The following FCRL1 variants were observed in gnomAD, a reference collection of about 807,000 sequenced individuals.
FCRL1 encodes the protein Fc receptor-like protein 1.
A neutral mutation model predicts 49.2 loss-of-function variants in FCRL1; 34 were observed. The ratio of observed to expected loss-of-function variants is 0.69; its 90% CI spans 0.53 to 0.92. The LOEUF (loss-of-function observed/expected upper bound fraction) is 0.92, where lower values mean the gene tolerates loss of function less well. Ranked by LOEUF, FCRL1 falls within the 40% of genes least tolerant of loss-of-function variation. The pLI is 0.00. For missense variants in FCRL1, 524 were observed against 524.1 expected (o/e 1.00, Z 0.00); for synonymous variants, 218 against 201.6 (o/e 1.08, Z -0.69).
At position 157,809,068 on chromosome 1, in the gene FCRL1, A is replaced by T. The variant is rs537969383; in HGVS notation, c.32-1946T>A. ...ACCTGATGTTAAGTTTAAGATGTTTATTAAGATGTCTATTAGATACCCGAA... is the reference window on the plus strand; with the variant it reads ...ACCTGATGTTAAGTTTAAGATGTTTTTTAAGATGTCTATTAGATACCCGAA... On this transcript the variant is annotated intron_variant, in intron 1 of 10. Transcript: ENST00000368176. Among the ~76,000 whole-genome samples the T allele has an allele frequency of 3.5e-4, 54 of 152,336 alleles. No individual in the cohort carries two copies. In the South Asian group the frequency reaches 6.4e-3, roughly 18 times the overall value.
Position 157,796,173 on chromosome 1 carries a change from G to A in FCRL1, c.1219-3C>T, listed in dbSNP as rs140897437. 1.5e-5 allele frequency: 24 copies of A among 1,613,422 alleles called. No homozygotes were observed. The African/African-American group carries it at 1.9e-4, about 13-fold the overall frequency. Reference sequence around the variant, plus strand: ...CTGGAATAGATGTCTAAGGAAACCTGGAAGCAAAGATTAGGACTAGAGCAG... The same window carrying A: ...CTGGAATAGATGTCTAAGGAAACCTAGAAGCAAAGATTAGGACTAGAGCAG... On this transcript the variant is annotated splice_region_variant and splice_polypyrimidine_tract_variant and intron_variant, in intron 10 of 10. Transcript: ENST00000368176.
chr1:157,798,284 T>C lies in FCRL1; in HGVS notation c.1032-41A>G, dbSNP rs974752572. 9 of 1,496,358 alleles carry C rather than the reference T, an allele frequency of 6.0e-6. No individual in the cohort carries two copies. In the African/African-American group the frequency reaches 9.8e-5, roughly 16 times the overall value. The allele number at this position is 1,496,358 out of a possible 1,614,324, so 92.7% of individuals were successfully genotyped here. On this transcript the variant is annotated intron_variant, in intron 7 of 10. Coordinates refer to ENST00000368176, the MANE Select transcript of FCRL1 (RefSeq NM_052938.5). ...CACATGTTATTTATCTGAAATTGCA[T>C]CCCAGATCATGCAGATATCACACTG... is the stretch of plus-strand genomic sequence containing the variant.
intron 1 of FCRL1, among the ~76,000 whole-genome samples, chr1:157,811,702 TG>T (rs908618644): frequency 5.9e-5 from 9 of 152,288 alleles, no homozygotes; most frequent in South Asian, 2.1e-4. Context: ...GTTCTGTTCC[TG>T]GGGGCAGTAG....
intron 3 of FCRL1, 75 bp downstream of exon 3, chr1:157,803,770 C>T (rs1363132334): frequency 1.1e-5 from 17 of 1,544,204 alleles, no homozygotes; most frequent in Non-Finnish European, 1.4e-5. Context: ...AGATAGAACC[C>T]ATAACAGTGA....
Position 157,797,922 on chromosome 1 carries a change from C to T in FCRL1, c.1132G>A (p.Asp378Asn), listed in dbSNP as rs1352376288. 1 of 1,614,164 alleles carries T rather than the reference C, an allele frequency of 6.2e-7. No homozygotes were observed. The highest frequency in any genetic ancestry group is 2.2e-5 in the East Asian group (1 of 44,880). The change falls in exon 9 of 11, where the codon GAT (aspartate) becomes AAT (asparagine). Residue 378 changes from aspartate to asparagine, a missense_variant. By Grantham distance (23) the Asp-to-Asn change is conservative (BLOSUM62 1). Coordinates refer to ENST00000368176, the MANE Select transcript of FCRL1 (RefSeq NM_052938.5). ...IYENVNVVSG[D>N]EVYSLAYYNQ... ...TAGTACGCCAGTGAATAAACCTCAT[C>T]CCCACTTACAACATTCACTGCAAGA...
intron 1 of FCRL1, among the ~76,000 whole-genome samples, chr1:157,818,152 G>A (rs758276572): frequency 3.3e-5 from 5 of 152,014 alleles, no homozygotes; most frequent in African/African-American, 4.8e-5. Flanking sequence ...TCCCACTACT[G>A]GACATGTATC....
intron 1 of FCRL1, among the ~76,000 whole-genome samples, chr1:157,814,822 A>C (rs1654814902): frequency 6.6e-6 from 1 of 152,044 alleles, no homozygotes; most frequent in African/African-American, 2.4e-5. Flanking sequence ...TATCTGATAT[A>C]ATAGAATTTA....
chr1:157,811,337 G>C (rs1211882299), intron 1 of FCRL1, among the ~76,000 whole-genome samples: 1 of 152,156 alleles, frequency 6.6e-6, no homozygotes, highest in African/African-American at 2.4e-5. Flanking sequence ...AGAAACTCAG[G>C]ATGGCTACAT....
At chr1:157,806,831 A>G in intron 2 of FCRL1, 1 of 361,084 alleles carries the variant, frequency 2.8e-6, no homozygotes, top group East Asian at 4.5e-5. Flanking sequence ...CTGTGCTGGG[A>G]CTTCCCGGAA....
rs375826945 is a variant in FCRL1, at chr1:157,802,654, G to A, written c.330C>T (p.Val110=). The A allele has an allele frequency of 1.6e-5, 25 of 1,612,810 alleles. No homozygotes were observed. The highest frequency in any genetic ancestry group is 4.5e-5 in the East Asian group (2 of 44,826). ...RSQINVHRVP[V]ADVSLETQPP... The stretch of plus-strand genomic sequence containing the variant: ...GCTGAGTCTCCAAGCTCACATCAGC[G>A]ACAGGGACCCCTGTGTGGACACAAG... Residue 110 remains valine, a synonymous_variant, in exon 4 of 11, where the codon GTC becomes GTT. Coordinates refer to ENST00000368176, the MANE Select transcript of FCRL1 (RefSeq NM_052938.5).
chr1:157,805,622 G>A lies in FCRL1; in HGVS notation c.52+1480C>T, dbSNP rs563625757. 3.9e-5 allele frequency among the ~76,000 whole-genome samples: 6 copies of A among 152,318 alleles called. No homozygotes were observed. In the South Asian group the frequency reaches 1.2e-3, roughly 32 times the overall value. On this transcript the variant is annotated intron_variant, in intron 2 of 10. Transcript: ENST00000368176. ...AAATAAAAAGGCATTTAGGCCAGGT[G>A]TGGTGGCTCACGGCTGTGATCCCAA... is the stretch of plus-strand genomic sequence containing the variant.
In FCRL1 at chr1:157,795,608, T is replaced by A. The variant is rs570127626; in HGVS notation, c.*491A>T. 2 of 152,674 alleles carry A rather than the reference T, an allele frequency of 1.3e-5. No homozygotes were observed. Among genetic ancestry groups the A allele is most frequent in the Non-Finnish European group, 2.9e-5 (2 of 68,296 alleles). The allele number at this position is 152,674 out of a possible 1,614,324, so 9.5% of individuals were successfully genotyped here. Reference sequence around the variant, plus strand: ...TAACAGTGACTCAAAATAAATAGAATCATATTTTAGGTGGAAACTCGATGA... The same window carrying A: ...TAACAGTGACTCAAAATAAATAGAAACATATTTTAGGTGGAAACTCGATGA... On this transcript the variant is annotated 3_prime_UTR_variant, in exon 11 of 11. Transcript: ENST00000368176.
chr1:157,813,362 T>C (rs1654596939), intron 1 of FCRL1, among the ~76,000 whole-genome samples: 1 of 152,100 alleles, frequency 6.6e-6, no homozygotes, highest in South Asian at 2.1e-4. Flanking sequence ...GGAAAACAAT[T>C]TATGACCTAA....
intron 1 of FCRL1, among the ~76,000 whole-genome samples, chr1:157,817,089 A>T (rs1055203636): frequency 6.6e-6 from 1 of 152,210 alleles, no homozygotes; most frequent in South Asian, 2.1e-4. Context: ...ACCCAGAATC[A>T]TCTACAGATT....
intron 1 of FCRL1, among the ~76,000 whole-genome samples, chr1:157,815,618 A>G (rs924239635): frequency 2.6e-5 from 4 of 151,912 alleles, no homozygotes; most frequent in African/African-American, 9.7e-5. Context: ...TGGCAGAAAT[A>G]AATGAAATAG....
intron 1 of FCRL1, among the ~76,000 whole-genome samples, chr1:157,811,898 T>C (rs6695211): frequency 6.6e-6 from 1 of 151,912 alleles, no homozygotes; most frequent in Non-Finnish European, 1.5e-5. Flanking sequence ...AAACCTAGGC[T>C]CAGGGGGACA....
intron 2 of FCRL1, chr1:157,806,737 CTCCTG>C (rs1653516753): frequency 5.4e-6 from 1 of 186,474 alleles, no homozygotes; most frequent in Non-Finnish European, 1.1e-5. Flanking sequence ...GGAATTGGAG[CTCCTG>C]AGGCTGGGAG....
intron 1 of FCRL1, among the ~76,000 whole-genome samples, chr1:157,813,661 T>G (rs1571410145): frequency 6.6e-6 from 1 of 152,142 alleles, no homozygotes; most frequent in African/African-American, 2.4e-5. Context: ...GAGAAGGTTT[T>G]GGAAAGCATA....
At chr1:157,796,405 C>T (rs1029139811) in intron 10 of FCRL1, among the ~76,000 whole-genome samples, 2 of 152,216 alleles carry the variant, frequency 1.3e-5, no homozygotes, top group African/African-American at 4.8e-5. Context: ...ACAGTGCCTT[C>T]GCTCATTCTT....
Sources: allele counts gnomAD v4.1 joint callset (sites outside exome capture counted in the v4.1 genomes callset), GRCh38; gene constraint gnomAD v4.1.1; transcripts MANE v1.5; gene names NCBI Gene and HGNC (gene_info 2026-07-23, HGNC 2026-07-21).